The following VMP1 variants were observed in gnomAD, a reference collection of about 807,000 sequenced individuals.
VMP1 encodes ectopic P-granules autophagy protein 3 homolog.
In VMP1, 11 loss-of-function variants were observed where a neutral mutation model predicts 56.0. The observed-to-expected ratio is 0.20, with a 90% confidence interval of 0.12 to 0.32. The LOEUF is 0.32. Ranked by LOEUF, VMP1 falls within the 10% of genes least tolerant of loss-of-function variation. The pLI is 1.00. For missense variants in VMP1, 296 were observed against 490.3 expected, an observed-to-expected ratio of 0.60 and a Z score of 3.74; for synonymous variants, 149 against 165.0, an observed-to-expected ratio of 0.90 and a Z score of 0.74.
intron 1 of VMP1, 44 bp from the exon 2 acceptor site, chr17:59,731,377 C>A: frequency 8.3e-7 from 1 of 1,211,854 alleles, no homozygotes; most frequent in Non-Finnish European, 1.2e-6. Flanking sequence ...AGCTACACAG[C>A]AGAAGTTTGT....
rs145187633 is a variant in VMP1 at position 59,741,863 on chromosome 17, G to T, written c.414+2916G>T. 7.0e-4 allele frequency among the ~76,000 whole-genome samples: 107 copies of T among 152,144 alleles called. No homozygotes were observed. In the Middle Eastern group the frequency reaches 0.01, roughly 15 times the overall value. Reference sequence around the variant, plus strand: ...TACATTGGATCTTTTGACTTGTTCTGCCTGTATATTTGCTACTTTGTATCC... The same window carrying T: ...TACATTGGATCTTTTGACTTGTTCTTCCTGTATATTTGCTACTTTGTATCC... On this transcript the variant is annotated intron_variant, in intron 5 of 11. Transcript: ENST00000262291.
intron 7 of VMP1, among the ~76,000 whole-genome samples, chr17:59,807,787 G>A (rs1404024138): frequency 3.4e-5 from 5 of 146,372 alleles, no homozygotes; most frequent in East Asian, 2.1e-4. Flanking sequence ...AGCCAAGATC[G>A]CGCCATTGCA....
At chr17:59,829,921 A>G (rs1200116462) in intron 10 of VMP1, among the ~76,000 whole-genome samples, 2 of 151,956 alleles carry the variant, frequency 1.3e-5, no homozygotes, top group African/African-American at 4.8e-5. Flanking sequence ...ATAGGAGTCT[A>G]CTCCTGTGCT....
At chr17:59,773,657 A>G (rs572817957) in intron 6 of VMP1, 97 bp from the exon 7 acceptor site, 29 of 1,236,120 alleles carry the variant, frequency 2.3e-5, no homozygotes, top group African/African-American at 4.6e-5. Flanking sequence ...TTGCATCTCA[A>G]AATGCTTCTG....
intron 10 of VMP1, among the ~76,000 whole-genome samples, chr17:59,830,433 G>A (rs1294774003): frequency 1.3e-5 from 2 of 152,016 alleles, no homozygotes; most frequent in Non-Finnish European, 2.9e-5. Context: ...TAAGCTTTCA[G>A]GGATCTGACT....
Position 59,827,241 on chromosome 17 carries a change from C to T in VMP1, c.974+9468C>T, listed in dbSNP as rs553662932. ...CTGTGCTCAAGTGATCCTCCTGCCT[C>T]AGCCTCCCCAAATGCTGGGATTACA... On this transcript the variant is annotated intron_variant, in intron 10 of 11. Coordinates refer to ENST00000262291, the MANE Select transcript of VMP1 (RefSeq NM_030938.5). 2.0e-5 allele frequency among the ~76,000 whole-genome samples: 3 copies of T among 152,188 alleles called. No homozygotes were observed. The South Asian group carries it at 6.2e-4, about 32-fold the overall frequency.
chr17:59,801,080 G>GAAAAA lies in VMP1; in HGVS notation c.715-7708_715-7704dup, dbSNP rs571996545. 3.0e-4 allele frequency among the ~76,000 whole-genome samples: 20 copies of GAAAAA among 66,172 alleles called. 1 individual carries two copies. Among genetic ancestry groups the GAAAAA allele is most frequent in the East Asian group, 3.8e-4 (1 of 2,604 alleles). 43.4% of individuals were successfully genotyped at this position (66,172 alleles called of 152,430 possible). The stretch of plus-strand genomic sequence containing the variant: ...GGGCGACAGAGCAAGACTCCATCTC[G>GAAAAA]AAAAAAAAAAAATATATATATATAT... On this transcript the variant is annotated intron_variant, in intron 7 of 11. Transcript: ENST00000262291.
chr17:59,733,140 C>G (rs1421053869), intron 2 of VMP1, among the ~76,000 whole-genome samples: 1 of 152,050 alleles, frequency 6.6e-6, no homozygotes, highest in East Asian at 1.9e-4. Flanking sequence ...GAGCTGCGAT[C>G]ACACCACTGC....
chr17:59,712,842 T>G (rs1384756106), intron 1 of VMP1, among the ~76,000 whole-genome samples: 1 of 152,140 alleles, frequency 6.6e-6, no homozygotes, highest in Non-Finnish European at 1.5e-5. Context: ...AAGTTCATTG[T>G]TGTTCATGTG....
intron 5 of VMP1, among the ~76,000 whole-genome samples, chr17:59,759,917 T>TG (rs2035984904): frequency 6.7e-6 from 1 of 149,440 alleles, no homozygotes; most frequent in Non-Finnish European, 1.5e-5. Context: ...TTTTTTTTTT[T>TG]TTTTTTGGTA....
intron 7 of VMP1, among the ~76,000 whole-genome samples, chr17:59,804,218 A>G (rs956794150): frequency 2.0e-5 from 3 of 152,184 alleles, no homozygotes; most frequent in Non-Finnish European, 4.4e-5. Flanking sequence ...CACGTAACAT[A>G]TAGAACATTT....
chr17:59,792,916 G>C (rs1392278825), intron 7 of VMP1, among the ~76,000 whole-genome samples: 2 of 56,902 alleles, frequency 3.5e-5, no homozygotes, highest in African/African-American at 7.1e-5. Context: ...TGGGCATGGT[G>C]GCTTATGCCT....
At chr17:59,722,216 A>G (rs1167848786) in intron 1 of VMP1, among the ~76,000 whole-genome samples, 2 of 152,216 alleles carry the variant, frequency 1.3e-5, no homozygotes, top group East Asian at 3.8e-4. Flanking sequence ...CCTTATAGCT[A>G]ATCAGCATGA....
At chr17:59,715,450 G>A (rs1598278869) in intron 1 of VMP1, among the ~76,000 whole-genome samples, 1 of 152,134 alleles carries the variant, frequency 6.6e-6, no homozygotes, top group East Asian at 1.9e-4. Flanking sequence ...ATCAGATCTC[G>A]TGAGAACTCA....
intron 10 of VMP1, among the ~76,000 whole-genome samples, chr17:59,828,044 G>C (rs966676851): frequency 1.3e-5 from 2 of 149,466 alleles, no homozygotes; most frequent in African/African-American, 4.9e-5. Flanking sequence ...AAAAAAAGCT[G>C]CCACCAGTCT....
intron 7 of VMP1, among the ~76,000 whole-genome samples, chr17:59,803,925 A>T (rs938211424): frequency 1.4e-5 from 2 of 145,984 alleles, no homozygotes; most frequent in South Asian, 2.2e-4. Context: ...TTTGTTTAAA[A>T]TTTTTTTTAA....
chr17:59,765,911 A>G (rs1199345923), intron 6 of VMP1, among the ~76,000 whole-genome samples: 3 of 151,684 alleles, frequency 2.0e-5, no homozygotes, highest in Admixed American at 2.0e-4. Flanking sequence ...TTTATCTAAG[A>G]GTTATATAAA....
chr17:59,768,199 C>T (rs188112184), intron 6 of VMP1, among the ~76,000 whole-genome samples: 20 of 152,304 alleles, frequency 1.3e-4, no homozygotes, highest in Non-Finnish European at 1.9e-4. Context: ...AATGTTTGCT[C>T]TTCTTTCCTT....
chr17:59,814,525 T>G (rs1377442814), intron 9 of VMP1, among the ~76,000 whole-genome samples: 2 of 152,174 alleles, frequency 1.3e-5, no homozygotes, highest in African/African-American at 4.8e-5. Flanking sequence ...TTGATATGAT[T>G]AAGGAAACTG....
Sources: allele counts gnomAD v4.1 joint callset (sites outside exome capture counted in the v4.1 genomes callset), GRCh38; gene constraint gnomAD v4.1.1; transcripts MANE v1.5; gene names NCBI Gene and HGNC (gene_info 2026-07-23, HGNC 2026-07-21).